ABHD2: variants seen among roughly 807,000 people sequenced by gnomAD.
ABHD2 encodes the protein monoacylglycerol lipase ABHD2.
A neutral mutation model predicts 48.1 loss-of-function variants in ABHD2; 20 were observed. That is an observed-to-expected ratio of 0.42 (90% CI 0.29 to 0.60). The LOEUF (loss-of-function observed/expected upper bound fraction) is 0.60, where lower values mean the gene tolerates loss of function less well. ABHD2 is among the 20% of genes least tolerant of loss of function. The pLI is 0.24. For synonymous variants in ABHD2, 209 were observed against 214.2 expected, an observed-to-expected ratio of 0.98 and a Z score of 0.21; for missense variants, 405 against 550.9, an observed-to-expected ratio of 0.74 and a Z score of 2.65.
intron 2 of ABHD2, among the ~76,000 whole-genome samples, chr15:89,115,439 A>G (rs891343454): frequency 6.8e-6 from 1 of 146,348 alleles, no homozygotes; most frequent in African/African-American, 2.5e-5. Context: ...TGTTTTGTAT[A>G]TAAGGTAAAG....
chr15:89,168,742 A>C lies in ABHD2; in HGVS notation c.539-7070A>C, dbSNP rs146862777. On this transcript the variant is annotated intron_variant, in intron 5 of 10. Coordinates refer to ENST00000352732, the MANE Select transcript of ABHD2 (RefSeq NM_152924.5). The surrounding 1 kb of genome is among the most constrained non-coding windows in gnomAD (Gnocchi z 4.8). Reference sequence around the variant, plus strand: ...TGAACATCTGCTCTAGGTCTCAAATAATTAGTCTCAAACCTGAGTAATGAT... The same window carrying C: ...TGAACATCTGCTCTAGGTCTCAAATCATTAGTCTCAAACCTGAGTAATGAT... 2.7e-4 allele frequency among the ~76,000 whole-genome samples: 41 copies of C among 152,318 alleles called. No individual in the cohort carries two copies. Among genetic ancestry groups the C allele is most frequent in the African/African-American group, 8.9e-4 (37 of 41,576 alleles).
At chr15:89,180,202 C>T (rs1384945667) in intron 6 of ABHD2, among the ~76,000 whole-genome samples, 1 of 152,174 alleles carries the variant, frequency 6.6e-6, no homozygotes, top group Non-Finnish European at 1.5e-5. Context: ...TCAGCTTTTC[C>T]ACCACTGGGT....
At chr15:89,054,934 CT>C in the ABHD2 span, among the ~76,000 whole-genome samples, 3 of 152,108 alleles carry the variant, frequency 2.0e-5, no homozygotes, top group Non-Finnish European at 2.9e-5. Context: ...CTTAATCAAT[CT>C]TCTATTGTTG....
chr15:89,155,882 G>A lies in ABHD2; in HGVS notation c.538+348G>A, dbSNP rs112045394. 3.7e-3 allele frequency among the ~76,000 whole-genome samples: 567 copies of A among 152,216 alleles called. 2 individuals are homozygous for A. The highest frequency in any genetic ancestry group is 0.013 in the African/African-American group (537 of 41,524). On this transcript the variant is annotated intron_variant, in intron 5 of 10. Transcript: ENST00000352732. The surrounding 1 kb of genome is among the most constrained non-coding windows in gnomAD (Gnocchi z 4.9). ...TCAGGACTGTGCTGTTCTGATGCTC[G>A]TTCCTCAGGACTCTTGTGACTGACA...
At chr15:89,115,678 C>T (rs566580739) in intron 2 of ABHD2, among the ~76,000 whole-genome samples, 10 of 152,284 alleles carry the variant, frequency 6.6e-5, no homozygotes, top group South Asian at 2.1e-4. Flanking sequence ...AGGATCGCTG[C>T]GACCTGGGCT....
chr15:89,127,724 T>TGTATATATATATATATATATATATATAC (rs2050155371), intron 3 of ABHD2, among the ~76,000 whole-genome samples: 1 of 70,714 alleles, frequency 1.4e-5, no homozygotes, highest in African/African-American at 4.8e-5. Flanking sequence ...TATATACACA[T>TGTATATATATATATATATATATATATAC]ATATATATAT....
chr15:89,127,711 A>ATATATATATATG (rs2050153056), intron 3 of ABHD2, among the ~76,000 whole-genome samples: 2 of 88,092 alleles, frequency 2.3e-5, no homozygotes, highest in African/African-American at 1.2e-4. Flanking sequence ...ATATACATAT[A>ATATATATATATG]TATATATACA....
intron 1 of ABHD2, among the ~76,000 whole-genome samples, chr15:89,108,993 C>T (rs2049831045): frequency 1.3e-5 from 2 of 152,180 alleles, no homozygotes; most frequent in Non-Finnish European, 2.9e-5. Context: ...ACAGATGGGG[C>T]CTTTAGGGCC....
Position 89,199,270 on chromosome 15 carries a change from G to T in ABHD2, c.*3847G>T, listed in dbSNP as rs2051443250. The T allele has an allele frequency of 2.5e-5, 3 of 121,628 alleles. No individual in the cohort carries two copies. Among genetic ancestry groups the T allele is most frequent in the African/African-American group, 9.9e-5 (3 of 30,156 alleles). The allele number at this position is 121,628 out of a possible 1,614,324, so 7.5% of individuals were successfully genotyped here. A position where few individuals can be genotyped will look rare whatever the true frequency, so the allele number is the denominator to read the frequency against. Reference sequence around the variant, plus strand: ...TGTAAGAAGCTTTTCTTTTCCTGTGGCATTGATTCTGACTTAGAGCTGAAG... The same window carrying T: ...TGTAAGAAGCTTTTCTTTTCCTGTGTCATTGATTCTGACTTAGAGCTGAAG... On this transcript the variant is annotated 3_prime_UTR_variant, in exon 11 of 11. Coordinates refer to ENST00000352732, the MANE Select transcript of ABHD2 (RefSeq NM_152924.5). This position sits in a 1 kb window ranked among gnomAD's most constrained non-coding sequence, Gnocchi z 4.1.
chr15:89,133,339 G>T (rs139388178), intron 3 of ABHD2, among the ~76,000 whole-genome samples: 181 of 152,276 alleles, frequency 1.2e-3, no homozygotes, highest in African/African-American at 4.2e-3. Context: ...CTTTCACAAT[G>T]TTGCATTGAA....
At chr15:89,150,814 G>C (rs1440924283) in intron 3 of ABHD2, among the ~76,000 whole-genome samples, 3 of 152,224 alleles carry the variant, frequency 2.0e-5, no homozygotes, top group African/African-American at 7.2e-5. Flanking sequence ...GACAAATCCT[G>C]GACAACCATC....
chr15:89,091,423 G>C lies in ABHD2; in HGVS notation c.-107+2860G>C, dbSNP rs1413982793. 1.3e-5 allele frequency among the ~76,000 whole-genome samples: 2 copies of C among 152,104 alleles called. No individual in the cohort carries two copies. The highest frequency in any genetic ancestry group is 2.9e-5 in the Non-Finnish European group (2 of 68,018). On this transcript the variant is annotated intron_variant, in intron 1 of 10. Transcript: ENST00000352732. This position sits in a 1 kb window ranked among gnomAD's most constrained non-coding sequence, Gnocchi z 5.5. ...TTAGAATAATAGTTTTCATTTCTTT[G>C]CTTGTGTATTAATATGGGCCCCTTT...
chr15:89,154,100 A>T (rs140680978), intron 4 of ABHD2, among the ~76,000 whole-genome samples: 1 of 152,320 alleles, frequency 6.6e-6, no homozygotes, highest in East Asian at 1.9e-4. Context: ...AAAGAGATGG[A>T]GTCTTGCTGT....
chr15:89,165,440 A>C (rs992405656), intron 5 of ABHD2, among the ~76,000 whole-genome samples: 1 of 152,198 alleles, frequency 6.6e-6, no homozygotes, highest in African/African-American at 2.4e-5. Flanking sequence ...ACAAGAGTAA[A>C]GTTTACCAAA....
At chr15:89,084,164 C>T (rs1027725858), upstream of ABHD2, among the ~76,000 whole-genome samples, 2 of 144,248 alleles carry the variant, frequency 1.4e-5, no homozygotes, top group Admixed American at 7.1e-5. The surrounding 1 kb of genome is among the most constrained non-coding windows in gnomAD (Gnocchi z 4.4). Flanking sequence ...TAACCATATT[C>T]GAAAGGAAAA....
rs1021838817 is a variant in ABHD2, at chr15:89,102,542, G to A, written c.-106-11183G>A. 19 of 152,312 alleles carry A rather than the reference G, an allele frequency of 1.2e-4. No individual in the cohort carries two copies. Among genetic ancestry groups the A allele is most frequent in the Middle Eastern group, 3.4e-3 (1 of 294 alleles). The allele number at this position is 152,312 out of a possible 1,614,324, so 9.4% of individuals were successfully genotyped here. A position where few individuals can be genotyped will look rare whatever the true frequency, so the allele number is the denominator to read the frequency against. On this transcript the variant is annotated intron_variant, in intron 1 of 10. Transcript: ENST00000352732. This position sits in a 1 kb window ranked among gnomAD's most constrained non-coding sequence, Gnocchi z 4.8. ...TGCAAGCCACTGCTTTATCCACGAG[G>A]GTGCTCCCTACTTATGCCAGTGAAT...
intron 3 of ABHD2, among the ~76,000 whole-genome samples, chr15:89,134,944 T>C (rs187852006): frequency 6.3e-4 from 96 of 152,272 alleles, no homozygotes; most frequent in Non-Finnish European, 1.1e-3. Flanking sequence ...TTTCCTAACA[T>C]CATTGCTTGC....
intron 3 of ABHD2, among the ~76,000 whole-genome samples, chr15:89,139,022 C>CTT (rs558345994): frequency 0.03 from 4,582 of 151,788 alleles, 230 homozygotes; most frequent in African/African-American, 0.1. Context: ...TCAAGACCAG[C>CTT]CCTGGCGACA....
At chr15:89,140,410 T>G (rs1297436124) in intron 3 of ABHD2, among the ~76,000 whole-genome samples, 1 of 152,208 alleles carries the variant, frequency 6.6e-6, no homozygotes, top group African/African-American at 2.4e-5. Flanking sequence ...TTCCTTCTTG[T>G]ACCTGATGCT....
Sources: allele counts gnomAD v4.1 joint callset (sites outside exome capture counted in the v4.1 genomes callset), GRCh38; gene constraint gnomAD v4.1.1; non-coding constraint Gnocchi (gnomAD v3.1); transcripts MANE v1.5; gene names NCBI Gene and HGNC (gene_info 2026-07-23, HGNC 2026-07-21).